ZFHX4: variants seen among roughly 807,000 people sequenced by gnomAD.
ZFHX4 encodes zinc finger homeobox 4, also known as zinc finger homeobox protein 4.
In ZFHX4, 56 loss-of-function variants were observed where a neutral mutation model predicts 267.6. The observed-to-expected ratio is 0.21, with a 90% CI of 0.17 to 0.26. ZFHX4 has a LOEUF of 0.26. ZFHX4 is among the 10% of genes least tolerant of loss of function. The pLI is 1.00. For synonymous variants in ZFHX4, 1,778 were observed against 1,665.6 expected, an observed-to-expected ratio of 1.07 and a Z score of -1.64; for missense variants, 4,332 against 4,420.0, an observed-to-expected ratio of 0.98 and a Z score of 0.56.
chr8:76,786,605 T>A (rs1169103529), intron 4 of ZFHX4, among the ~76,000 whole-genome samples: 1 of 152,148 alleles, frequency 6.6e-6, no homozygotes, highest in East Asian at 1.9e-4. Context: ...AGTTTTGGTT[T>A]AATATCTCCT....
chr8:76,820,213 A>G (rs150691580), intron 4 of ZFHX4, among the ~76,000 whole-genome samples: 158 of 152,338 alleles, frequency 1.0e-3, no homozygotes, highest in African/African-American at 3.6e-3. Context: ...GATTTTAAAA[A>G]TTCAATTTCT....
chr8:76,695,351 G>A (rs1254493255), intron 1 of ZFHX4, among the ~76,000 whole-genome samples: 3 of 152,134 alleles, frequency 2.0e-5, no homozygotes, highest in African/African-American at 4.8e-5. Context: ...AAATTTAGCT[G>A]CATGAAAAGA....
chr8:76,851,434 G>C lies in ZFHX4; in HGVS notation c.4513G>C (p.Asp1505His). ...HEGKASPVGS[D>H]SSSIPDDMGS... ...AGGGAAAGCAAGTCCTGTAGGAAGT[G>C]ATAGTAGCTCTATTCCAGATGACAT... Residue 1505 changes from aspartate (D) to histidine (H), a missense_variant, in exon 10 of 11, where the codon GAT (aspartate) becomes CAT (histidine). Coordinates refer to ENST00000651372, the MANE Select transcript of ZFHX4 (RefSeq NM_024721.5). 1 of 1,613,894 alleles carries C rather than the reference G, an allele frequency of 6.2e-7. No individual in the cohort carries two copies. Among genetic ancestry groups the C allele is most frequent in the Non-Finnish European group, 8.5e-7 (1 of 1,179,858 alleles).
At chr8:76,842,587 C>A in intron 5 of ZFHX4, 68 bp from the exon 6 acceptor site, 2 of 1,135,664 alleles carry the variant, frequency 1.8e-6, no homozygotes, top group Non-Finnish European at 2.5e-6. Context: ...AAGTGGCCAC[C>A]TAGTTTATTT....
chr8:76,748,655 C>T (rs915486744), intron 3 of ZFHX4, among the ~76,000 whole-genome samples: 1 of 152,168 alleles, frequency 6.6e-6, no homozygotes, highest in Admixed American at 6.5e-5. Context: ...AGGTTGGCCT[C>T]AAACTCCTGG....
chr8:76,709,230 AC>A (rs1032002565), intron 3 of ZFHX4, among the ~76,000 whole-genome samples: 1 of 152,208 alleles, frequency 6.6e-6, no homozygotes, highest in African/African-American at 2.4e-5. Flanking sequence ...AGATAAATGT[AC>A]TGTGCATAAA....
intron 5 of ZFHX4, 142 bp downstream of exon 5, chr8:76,833,548 C>T (rs1253443133): frequency 4.9e-6 from 3 of 609,500 alleles, no homozygotes; most frequent in Non-Finnish European, 8.4e-6. Flanking sequence ...AAGTAAAAAG[C>T]AAAATGAAAT....
At chr8:76,839,214 A>G (rs1812172737) in intron 5 of ZFHX4, among the ~76,000 whole-genome samples, 1 of 152,224 alleles carries the variant, frequency 6.6e-6, no homozygotes, top group African/African-American at 2.4e-5. Flanking sequence ...TCAGTTTTCC[A>G]ATTGTTTCTT....
At position 76,851,086 on chromosome 8, in the gene ZFHX4, G is replaced by T. The variant is rs1471459885; in HGVS notation, c.4165G>T (p.Val1389Phe). 1 of 1,614,012 alleles carries T rather than the reference G, an allele frequency of 6.2e-7. No homozygotes were observed. The highest frequency in any genetic ancestry group is 8.5e-7 in the Non-Finnish European group (1 of 1,179,884). Residue 1389 changes from valine to phenylalanine, a missense_variant, in exon 10 of 11, where the codon GTT (valine) becomes TTT (phenylalanine). Physicochemically the swap from Val to Phe is conservative, Grantham distance 50. Around this residue, in one of 7 missense-constraint regions of ZFHX4, gnomAD observed 1,371 missense variants for 1,423.1 expected, o/e 0.96. Coordinates refer to ENST00000651372, the MANE Select transcript of ZFHX4 (RefSeq NM_024721.5). ...ACAGCAAAAAAGGCAACCGCTCTCT[G>T]TTTCTGACCGTCATGTCTACAAGTA... The part of the protein sequence containing the change: ...NEQQKRQPLS[V>F]SDRHVYKYRC...
intron 3 of ZFHX4, among the ~76,000 whole-genome samples, chr8:76,777,648 A>AT: frequency 6.6e-6 from 1 of 152,254 alleles, no homozygotes; most frequent in Non-Finnish European, 1.5e-5. Flanking sequence ...ATAGTCCCAG[A>AT]TTGTTTTTGC....
At chr8:76,688,688 C>T (rs1371644872) in intron 1 of ZFHX4, among the ~76,000 whole-genome samples, 2 of 152,018 alleles carry the variant, frequency 1.3e-5, no homozygotes, top group African/African-American at 2.4e-5. Context: ...TTTCAAAGAT[C>T]GGAATTGGTT....
chr8:76,845,750 C>A (rs1427229319), intron 6 of ZFHX4, among the ~76,000 whole-genome samples: 1 of 151,958 alleles, frequency 6.6e-6, no homozygotes, highest in Non-Finnish European at 1.5e-5. Flanking sequence ...GCGGCATCTG[C>A]ATTGAAATGA....
At chr8:76,802,787 T>G (rs1811147017) in intron 4 of ZFHX4, among the ~76,000 whole-genome samples, 1 of 152,304 alleles carries the variant, frequency 6.6e-6, no homozygotes, top group East Asian at 1.9e-4. Flanking sequence ...TTTTACACCA[T>G]AGGGACAGCC....
At chr8:76,862,263 A>T (rs1812889904) in intron 10 of ZFHX4, among the ~76,000 whole-genome samples, 1 of 152,194 alleles carries the variant, frequency 6.6e-6, no homozygotes, top group Non-Finnish European at 1.5e-5. Flanking sequence ...GTTTCTGCCT[A>T]CTGATCATTT....
chr8:76,750,500 G>A (rs1809585433), intron 3 of ZFHX4, among the ~76,000 whole-genome samples: 1 of 152,068 alleles, frequency 6.6e-6, no homozygotes, highest in Non-Finnish European at 1.5e-5. Flanking sequence ...ACCATACAAG[G>A]AAGTAGAATG....
intron 4 of ZFHX4, among the ~76,000 whole-genome samples, chr8:76,831,486 G>C (rs1811932141): frequency 6.6e-6 from 1 of 152,154 alleles, no homozygotes; most frequent in African/African-American, 2.4e-5. Flanking sequence ...GAAGCTCTGG[G>C]AAGCTACAAG....
intron 3 of ZFHX4, among the ~76,000 whole-genome samples, chr8:76,721,017 G>A (rs1400568305): frequency 1.3e-5 from 2 of 152,126 alleles, no homozygotes; most frequent in African/African-American, 4.8e-5. Flanking sequence ...GGGATACCTG[G>A]AAGGGAAGGC....
At position 76,854,714 on chromosome 8, in the gene ZFHX4, G is replaced by A. The variant is rs1812660478; in HGVS notation, c.7793G>A (p.Ser2598Asn). The A allele has an allele frequency of 6.2e-7, 1 of 1,612,872 alleles. No homozygotes were observed. The highest frequency in any genetic ancestry group is 8.5e-7 in the Non-Finnish European group (1 of 1,179,514). ...NNCSEKEGGN[S>N]GEDQHRDKRL... ...TGCAGTGAAAAAGAAGGAGGGAATAGCGGTGAAGACCAACACCGAGATAAA... is the reference window on the plus strand; with the variant it reads ...TGCAGTGAAAAAGAAGGAGGGAATAACGGTGAAGACCAACACCGAGATAAA... The change falls in exon 10 of 11, where the codon AGC becomes AAC. Residue 2598 changes from serine to asparagine, a missense_variant. Physicochemically the swap from Ser to Asn is conservative, Grantham distance 46. Coordinates refer to ENST00000651372, the MANE Select transcript of ZFHX4 (RefSeq NM_024721.5).
chr8:76,691,968 A>G (rs1807836181), intron 1 of ZFHX4, among the ~76,000 whole-genome samples: 1 of 152,110 alleles, frequency 6.6e-6, no homozygotes, highest in African/African-American at 2.4e-5. Context: ...GGATATGTCT[A>G]AGAGGTGGGG....
Sources: gnomAD v4.1 joint callset for allele counts (sites outside exome capture counted in the v4.1 genomes callset) on GRCh38, gnomAD v4.1.1 for gene constraint, gnomAD v4.1.1 regional missense constraint, MANE v1.5 for transcripts, NCBI Gene and HGNC (gene_info 2026-07-23, HGNC 2026-07-21) for gene names.